PLXDC2: variants seen among roughly 807,000 people sequenced by gnomAD.
PLXDC2 encodes the protein plexin domain containing 2.
A neutral mutation model predicts 68.9 loss-of-function variants in PLXDC2; 40 were observed. The ratio of observed to expected loss-of-function variants is 0.58; its 90% CI spans 0.45 to 0.76. The LOEUF is 0.76. Among genes scored for constraint, PLXDC2 ranks in the 30% least tolerant of loss-of-function variants. The pLI is 0.00. For synonymous variants in PLXDC2, 243 were observed against 234.2 expected, an observed-to-expected ratio of 1.04 and a Z score of -0.34; for missense variants, 644 against 661.9, an observed-to-expected ratio of 0.97 and a Z score of 0.30.
rs143957692 is a variant in PLXDC2, at chr10:20,127,375, G to C, written c.542-15920G>C. Among the ~76,000 whole-genome samples the C allele has an allele frequency of 1.1e-3, 174 of 152,296 alleles. 2 individuals are homozygous for C. The highest frequency in any genetic ancestry group is 4.0e-3 in the African/African-American group (167 of 41,578). On this transcript the variant is annotated intron_variant, in intron 4 of 13. Transcript: ENST00000377252. ...ATGGAAAACAAAAACATTTCTGGAA[G>C]AATGAGAGTTGGGAAAGTGTAATTA...
chr10:19,817,311 A>C, intron 1 of PLXDC2, 120 bp downstream of exon 1: 1 of 829,256 alleles, frequency 1.2e-6, no homozygotes, highest in Non-Finnish European at 1.9e-6. Flanking sequence ...AACTTATTGC[A>C]GTTGCTTTTC....
chr10:20,236,545 A>C (rs577765518), intron 12 of PLXDC2, among the ~76,000 whole-genome samples: 1 of 152,302 alleles, frequency 6.6e-6, no homozygotes, highest in African/African-American at 2.4e-5. Flanking sequence ...TAAAAGTTAG[A>C]TGTCATAAAG....
intron 3 of PLXDC2, among the ~76,000 whole-genome samples, chr10:20,064,878 G>A (rs1480913656): frequency 7.2e-6 from 1 of 138,672 alleles, no homozygotes; most frequent in African/African-American, 2.7e-5. Flanking sequence ...TTTTTGCTTT[G>A]TTTTGTTTTT....
chr10:20,217,016 C>G (rs1036583553), intron 10 of PLXDC2, among the ~76,000 whole-genome samples: 1 of 152,182 alleles, frequency 6.6e-6, no homozygotes. Flanking sequence ...CAGTTTGATA[C>G]GAAAGGAATG....
intron 1 of PLXDC2, among the ~76,000 whole-genome samples, chr10:19,935,830 G>A (rs145342571): frequency 2.4e-4 from 37 of 152,236 alleles, no homozygotes; most frequent in East Asian, 2.1e-3. Context: ...CAACTTTGCC[G>A]GCAGACTAAA....
intron 3 of PLXDC2, among the ~76,000 whole-genome samples, chr10:20,057,625 C>A (rs1331480324): frequency 6.6e-6 from 1 of 151,876 alleles, no homozygotes; most frequent in African/African-American, 2.4e-5. Flanking sequence ...GTTAAAATGC[C>A]AACGGGACTG....
intron 1 of PLXDC2, among the ~76,000 whole-genome samples, chr10:19,947,377 CA>C (rs1172033183): frequency 6.6e-6 from 1 of 152,208 alleles, no homozygotes; most frequent in Non-Finnish European, 1.5e-5. Flanking sequence ...AAAACAGACT[CA>C]GAGCCCAGGC....
chr10:20,128,979 A>G (rs145556219), intron 4 of PLXDC2, among the ~76,000 whole-genome samples: 1 of 152,272 alleles, frequency 6.6e-6, no homozygotes, highest in Non-Finnish European at 1.5e-5. Flanking sequence ...TACTGATTTC[A>G]CTTCCTCCGG....
At chr10:19,844,879 C>T (rs968675322) in intron 1 of PLXDC2, among the ~76,000 whole-genome samples, 1 of 152,196 alleles carries the variant, frequency 6.6e-6, no homozygotes, top group African/African-American at 2.4e-5. Flanking sequence ...CAGGCAAGAG[C>T]CAATACACCT....
chr10:19,930,644 C>A (rs560777869), intron 1 of PLXDC2, among the ~76,000 whole-genome samples: 3 of 151,826 alleles, frequency 2.0e-5, no homozygotes, highest in Non-Finnish European at 4.4e-5. Flanking sequence ...TAAAACAGAG[C>A]CTGTTTAAAA....
intron 4 of PLXDC2, among the ~76,000 whole-genome samples, chr10:20,092,417 T>C (rs1357494458): frequency 6.6e-6 from 1 of 152,184 alleles, no homozygotes; most frequent in Non-Finnish European, 1.5e-5. Flanking sequence ...ACTGTTAGCA[T>C]TGCTTGACCT....
chr10:20,252,902 C>A (rs575854086), intron 13 of PLXDC2, among the ~76,000 whole-genome samples: 1 of 151,982 alleles, frequency 6.6e-6, no homozygotes, highest in Non-Finnish European at 1.5e-5. Flanking sequence ...CTTTTTTGAT[C>A]GCTTGAGCTC....
At position 20,285,424 on chromosome 10, in the gene PLXDC2, C is replaced by T. The variant is rs1836140409; in HGVS notation, c.*5605C>T. 1 of 152,138 alleles carries T rather than the reference C, an allele frequency of 6.6e-6. No individual in the cohort carries two copies. Among genetic ancestry groups the T allele is most frequent in the Non-Finnish European group, 1.5e-5 (1 of 68,018 alleles). The allele number at this position is 152,138 out of a possible 1,614,324, so 9.4% of individuals were successfully genotyped here. On this transcript the variant is annotated 3_prime_UTR_variant, in exon 14 of 14. Coordinates refer to ENST00000377252, the MANE Select transcript of PLXDC2 (RefSeq NM_032812.9). ...ATTATAATACAATAACATCCCTAAA[C>T]CAGACTTTACAAGTAGATAGGATCA...
At chr10:19,966,932 C>T (rs1406615050) in intron 1 of PLXDC2, among the ~76,000 whole-genome samples, 1 of 152,182 alleles carries the variant, frequency 6.6e-6, no homozygotes, top group Admixed American at 6.5e-5. Flanking sequence ...GGTGCTGGGT[C>T]GCTGTTTCCA....
intron 13 of PLXDC2, 108 bp from the exon 14 acceptor site, chr10:20,279,595 T>C (rs2681949): frequency 0.87 from 694,709 of 803,016 alleles, 303,854 homozygotes; most frequent in Middle Eastern, 0.95. Flanking sequence ...GATAATTTAA[T>C]GTGTTAATTA....
chr10:20,127,017 A>G (rs754175638), intron 4 of PLXDC2, among the ~76,000 whole-genome samples: 10 of 151,484 alleles, frequency 6.6e-5, no homozygotes, highest in East Asian at 3.9e-4. Flanking sequence ...GCTTGAATCT[A>G]TAAGTGCTAA....
Position 20,067,204 on chromosome 10 carries a change from G to A in PLXDC2, c.472-966G>A, listed in dbSNP as rs1465733177. Among the ~76,000 whole-genome samples the A allele has an allele frequency of 4.6e-5, 7 of 151,980 alleles. No homozygotes were observed. In the East Asian group the frequency reaches 9.7e-4, roughly 21 times the overall value. On this transcript the variant is annotated intron_variant, in intron 3 of 13. Coordinates refer to ENST00000377252, the MANE Select transcript of PLXDC2 (RefSeq NM_032812.9). ...AGTTAAATATTAAGAGCTAAAGTTC[G>A]TGGCCCCATTTTAGGAAAACAAAGG...
intron 4 of PLXDC2, among the ~76,000 whole-genome samples, chr10:20,142,848 G>A (rs1834024761): frequency 6.6e-6 from 1 of 151,648 alleles, no homozygotes; most frequent in Non-Finnish European, 1.5e-5. Context: ...ACCAGATGTC[G>A]TTTCTAAAAT....
rs146475817 is a variant in PLXDC2, at chr10:19,844,545, C to T, written c.112+27354C>T. Among the ~76,000 whole-genome samples the T allele has an allele frequency of 1.5e-3, 235 of 152,026 alleles. 1 individual carries two copies. The highest frequency in any genetic ancestry group is 5.4e-3 in the African/African-American group (224 of 41,490). On this transcript the variant is annotated intron_variant, in intron 1 of 13. Transcript: ENST00000377252. ...GCGATGTTGAGGTCCTATAAAAGGTCACTGTCTTTTCTTTTCTTTCCTCCG... is the reference window on the plus strand; with the variant it reads ...GCGATGTTGAGGTCCTATAAAAGGTTACTGTCTTTTCTTTTCTTTCCTCCG...
Sources: allele counts gnomAD v4.1 joint callset (sites outside exome capture counted in the v4.1 genomes callset), GRCh38; gene constraint gnomAD v4.1.1; transcripts MANE v1.5; gene names NCBI Gene and HGNC (gene_info 2026-07-23, HGNC 2026-07-21).